Variants in ARHGEF3 observed in about 807,000 individuals in gnomAD.
The protein encoded by ARHGEF3 is 59.8 kDA protein.
A neutral mutation model predicts 63.2 loss-of-function variants in ARHGEF3; 28 were observed. The ratio of observed to expected loss-of-function variants is 0.44; its 90% CI spans 0.33 to 0.61. The LOEUF (loss-of-function observed/expected upper bound fraction) is 0.61. Among genes scored for constraint, ARHGEF3 ranks in the 20% least tolerant of loss-of-function variants. The pLI is 0.03. For missense variants in ARHGEF3, 533 were observed against 659.3 expected (o/e 0.81, Z 2.10); for synonymous variants, 266 against 254.2 (o/e 1.05, Z -0.44).
At chr3:56,982,718 T>C (rs1701372790) in intron 2 of ARHGEF3, among the ~76,000 whole-genome samples, 1 of 152,162 alleles carries the variant, frequency 6.6e-6, no homozygotes, top group Non-Finnish European at 1.5e-5. Context: ...AAATGGATGA[T>C]GGAATGAGTG....
At chr3:56,969,055 A>C (rs1700790720) in intron 2 of ARHGEF3, among the ~76,000 whole-genome samples, 1 of 152,218 alleles carries the variant, frequency 6.6e-6, no homozygotes, top group Non-Finnish European at 1.5e-5. Context: ...CAGAAACGCT[A>C]AAAGGACAAA....
chr3:56,795,330 G>T (rs1380569055), intron 1 of ARHGEF3, among the ~76,000 whole-genome samples: 1 of 152,100 alleles, frequency 6.6e-6, no homozygotes, highest in African/African-American at 2.4e-5. Flanking sequence ...CTGATGCAAT[G>T]ACCCTGGGTC....
At chr3:57,043,857 T>G (rs939366485) in intron 1 of ARHGEF3, among the ~76,000 whole-genome samples, 1 of 152,232 alleles carries the variant, frequency 6.6e-6, no homozygotes, top group Non-Finnish European at 1.5e-5. Flanking sequence ...GCCAAGAAGA[T>G]GTACTCAATG....
At chr3:57,071,418 T>C (rs1438076374) in intron 1 of ARHGEF3, among the ~76,000 whole-genome samples, 1 of 152,112 alleles carries the variant, frequency 6.6e-6, no homozygotes, top group African/African-American at 2.4e-5. Context: ...TCCCAGCACT[T>C]TGGGAGGCTA....
rs191562930 is a variant in ARHGEF3, at chr3:57,034,020, G to A, written c.62+1068C>T. Reference sequence around the variant, plus strand: ...AGATTGCACCATTGCACTCTAGCCTGGGCAACAGAGCAAAAACTCTGTCTC... The same window carrying A: ...AGATTGCACCATTGCACTCTAGCCTAGGCAACAGAGCAAAAACTCTGTCTC... On this transcript the variant is annotated intron_variant, in intron 2 of 12. Transcript: ENST00000338458. Among the ~76,000 whole-genome samples the A allele has an allele frequency of 2.6e-5, 4 of 151,892 alleles. No homozygotes were observed. The East Asian group carries it at 5.8e-4, about 22-fold the overall frequency.
At chr3:56,748,301 A>C (rs2034515390) in intron 6 of ARHGEF3, among the ~76,000 whole-genome samples, 1 of 152,140 alleles carries the variant, frequency 6.6e-6, no homozygotes, top group African/African-American at 2.4e-5. Flanking sequence ...AAGTGCTGGG[A>C]TTACAGACGT....
At chr3:57,013,060 C>T (rs1049953240) in intron 2 of ARHGEF3, among the ~76,000 whole-genome samples, 7 of 152,190 alleles carry the variant, frequency 4.6e-5, no homozygotes, top group African/African-American at 1.7e-4. Flanking sequence ...GCCGGCCTGC[C>T]TGCGCCACAC....
At chr3:56,994,331 A>G (rs6445842) in intron 2 of ARHGEF3, among the ~76,000 whole-genome samples, 120,196 of 152,004 alleles carry the variant, frequency 0.79, 48,071 homozygotes, top group Middle Eastern at 0.85. Flanking sequence ...GCCAGGTGCC[A>G]TTTCTGGAGG....
At chr3:56,919,567 G>C (rs1235595898) in intron 3 of ARHGEF3, among the ~76,000 whole-genome samples, 1 of 152,148 alleles carries the variant, frequency 6.6e-6, no homozygotes, top group Non-Finnish European at 1.5e-5. Flanking sequence ...AAATACGAAA[G>C]ATACACTTGA....
intron 2 of ARHGEF3, among the ~76,000 whole-genome samples, chr3:56,996,896 T>TATTA (rs1246731930): frequency 1.8e-5 from 2 of 113,046 alleles, no homozygotes; most frequent in Non-Finnish European, 4.3e-5. Context: ...TATTATTTTT[T>TATTA]TTTTTTTTTG....
At chr3:57,022,355 G>C (rs923843804) in intron 2 of ARHGEF3, among the ~76,000 whole-genome samples, 1 of 151,428 alleles carries the variant, frequency 6.6e-6, no homozygotes, top group Admixed American at 6.6e-5. Context: ...ACTCGCAATA[G>C]CAGGGCTGAT....
intron 7 of ARHGEF3, among the ~76,000 whole-genome samples, chr3:56,741,783 G>A (rs1404824931): frequency 4.6e-5 from 7 of 152,100 alleles, no homozygotes; most frequent in South Asian, 2.1e-4. Context: ...GATTACAGGC[G>A]TGAGCCACCG....
At chr3:56,877,292 A>G (rs2040617586) in intron 4 of ARHGEF3, among the ~76,000 whole-genome samples, 1 of 152,132 alleles carries the variant, frequency 6.6e-6, no homozygotes, top group Admixed American at 6.5e-5. Flanking sequence ...TAAAAATAAT[A>G]TTCTTACAGA....
intron 1 of ARHGEF3, among the ~76,000 whole-genome samples, chr3:56,798,568 T>C (rs1328962698): frequency 2.0e-5 from 3 of 150,946 alleles, no homozygotes; most frequent in East Asian, 3.9e-4. Flanking sequence ...TAAGCCTTCT[T>C]TTTAAAAAGC....
At chr3:56,903,022 G>C (rs1039363375) in intron 3 of ARHGEF3, among the ~76,000 whole-genome samples, 15 of 151,942 alleles carry the variant, frequency 9.9e-5, no homozygotes, top group African/African-American at 3.6e-4. Context: ...TCCTCATCCA[G>C]GGAAGCAGAA....
chr3:57,005,203 G>A (rs964722564), intron 2 of ARHGEF3, among the ~76,000 whole-genome samples: 1 of 152,082 alleles, frequency 6.6e-6, no homozygotes, highest in African/African-American at 2.4e-5. Context: ...GGAACGTCCA[G>A]GAATAGCTAA....
chr3:57,061,205 CT>C (rs1299589261), intron 1 of ARHGEF3, among the ~76,000 whole-genome samples: 7 of 152,326 alleles, frequency 4.6e-5, no homozygotes, highest in African/African-American at 1.4e-4. Context: ...CAGGTACCCC[CT>C]GTAAGTGTCC....
intron 3 of ARHGEF3, among the ~76,000 whole-genome samples, 169 bp from the exon 4 acceptor site, chr3:56,753,735 T>C (rs1376450024): frequency 6.6e-6 from 1 of 152,232 alleles, no homozygotes; most frequent in African/African-American, 2.4e-5. Flanking sequence ...TGAAAAGATA[T>C]TGCAAAACTG....
At chr3:57,044,642 C>T (rs1404619712) in intron 1 of ARHGEF3, among the ~76,000 whole-genome samples, 2 of 152,170 alleles carry the variant, frequency 1.3e-5, no homozygotes, top group Non-Finnish European at 2.9e-5. Context: ...TGCTTATGTA[C>T]AAGCTGGTAC....
Sources: gnomAD v4.1 joint callset for allele counts (sites outside exome capture counted in the v4.1 genomes callset) on GRCh38, gnomAD v4.1.1 for gene constraint, MANE v1.5 for transcripts, NCBI Gene and HGNC (gene_info 2026-07-23, HGNC 2026-07-21) for gene names.